The following FHOD3 variants were observed in gnomAD, a reference collection of about 807,000 sequenced individuals.
The protein encoded by FHOD3 is formin homology 2 domain containing 3.
Under a neutral mutation model 173.0 loss-of-function variants are expected in FHOD3, and 90 were observed. The ratio of observed to expected loss-of-function variants is 0.52; its 90% CI spans 0.44 to 0.62. The LOEUF is 0.62. Among genes scored for constraint, FHOD3 ranks in the 20% least tolerant of loss-of-function variants. FHOD3 has a pLI of 0.00. For synonymous variants in FHOD3, 828 were observed against 823.0 expected (o/e 1.01, Z -0.10); for missense variants, 1,945 against 2,034.7 (o/e 0.96, Z 0.85).
At chr18:36,759,032 T>C (rs2042755370) in intron 25 of FHOD3, 86 bp from the exon 26 acceptor site, 3 of 1,404,624 alleles carry the variant, frequency 2.1e-6, no homozygotes, top group Non-Finnish European at 2.9e-6. Context: ...TTATGTGACA[T>C]TGCGATGATC....
At chr18:36,743,145 T>C (rs2041983892) in intron 22 of FHOD3, among the ~76,000 whole-genome samples, 1 of 151,748 alleles carries the variant, frequency 6.6e-6, no homozygotes, top group African/African-American at 2.4e-5. Context: ...CTGTCTCTAC[T>C]AAAAATACAA....
intron 3 of FHOD3, among the ~76,000 whole-genome samples, chr18:36,482,573 G>A (rs576583230): frequency 2.0e-5 from 3 of 152,234 alleles, no homozygotes; most frequent in Admixed American, 6.5e-5. Context: ...GAGGCAAGAA[G>A]GCTGGCGACA....
At chr18:36,549,530 A>ATTTTTT (rs1568413526) in intron 5 of FHOD3, among the ~76,000 whole-genome samples, 4 of 111,846 alleles carry the variant, frequency 3.6e-5, no homozygotes, top group Admixed American at 8.9e-5. Flanking sequence ...GATCTAAGAA[A>ATTTTTT]TCTTTTTTTT....
intron 5 of FHOD3, among the ~76,000 whole-genome samples, chr18:36,532,418 G>T (rs780807867): frequency 2.8e-4 from 42 of 152,214 alleles, no homozygotes; most frequent in Non-Finnish European, 5.1e-4. Flanking sequence ...AGTGGCTTCT[G>T]TGGCACCTGG....
intron 21 of FHOD3, among the ~76,000 whole-genome samples, 156 bp from the exon 22 acceptor site, chr18:36,742,581 G>C (rs2041955577): frequency 6.6e-6 from 1 of 152,142 alleles, no homozygotes; most frequent in Non-Finnish European, 1.5e-5. Context: ...GGCTCTCCCT[G>C]CCACACGTTT....
Position 36,412,279 on chromosome 18 carries a change from A to C in FHOD3, c.337+39535A>C, listed in dbSNP as rs566886788. ...AAGTCCCTTCTGTATATATGTTCAC[A>C]TCTGCACTTGGAGAACAATTTGAGA... On this transcript the variant is annotated intron_variant, in intron 3 of 28. Coordinates refer to ENST00000590592, the MANE Select transcript of FHOD3 (RefSeq NM_001281740.3). Among the ~76,000 whole-genome samples, 12 of 152,348 alleles carry C rather than the reference A, an allele frequency of 7.9e-5. No individual in the cohort carries two copies. In the South Asian group the frequency reaches 2.5e-3, roughly 32 times the overall value.
intron 3 of FHOD3, among the ~76,000 whole-genome samples, chr18:36,428,938 G>A (rs1036759839): frequency 2.0e-5 from 3 of 152,164 alleles, no homozygotes; most frequent in Admixed American, 1.3e-4. Flanking sequence ...GGCTAGGCAC[G>A]CCAAGCTTCT....
intron 1 of FHOD3, among the ~76,000 whole-genome samples, chr18:36,301,100 GTGCAGT>G (rs1454107098): frequency 1.3e-5 from 2 of 152,188 alleles, no homozygotes; most frequent in Non-Finnish European, 2.9e-5. Context: ...GGGTATAAGT[GTGCAGT>G]TGGGTGAATC....
In FHOD3 at chr18:36,372,628, G is replaced by A. The variant is rs1598876892; in HGVS notation, c.273-52G>A. On this transcript the variant is annotated intron_variant, in intron 2 of 28. Coordinates refer to ENST00000590592, the MANE Select transcript of FHOD3 (RefSeq NM_001281740.3). ...CTTCACGTGGATTGACAGCATGTGA[G>A]GTGTCTCTGCTGACTCCTCTGATGC... The A allele has an allele frequency of 3.3e-6, 5 of 1,500,092 alleles. 1 individual carries two copies. Among genetic ancestry groups the A allele is most frequent in the Non-Finnish European group, 4.6e-6 (5 of 1,080,280 alleles). The allele number at this position is 1,500,092 out of a possible 1,614,324, so 92.9% of individuals were successfully genotyped here.
chr18:36,363,845 T>C (rs1213553838), intron 2 of FHOD3, among the ~76,000 whole-genome samples: 1 of 117,594 alleles, frequency 8.5e-6, no homozygotes. Flanking sequence ...TGTAACAGAT[T>C]AACATCTTGC....
Position 36,369,482 on chromosome 18 carries a change from CACACACACACACACACAT to C in FHOD3, c.273-3196_273-3179del, listed in dbSNP as rs1383347227. On this transcript the variant is annotated intron_variant, in intron 2 of 28. Coordinates refer to ENST00000590592, the MANE Select transcript of FHOD3 (RefSeq NM_001281740.3). ...ACACACACACACACACACACACACA[CACACACACACACACACAT>C]ATATATAGAGAGAGAGAGAGAGAGA... 3.8e-4 allele frequency among the ~76,000 whole-genome samples: 48 copies of C among 127,538 alleles called. 1 individual carries two copies. The highest frequency in any genetic ancestry group is 2.9e-3 in the Admixed American group (38 of 13,004). The allele number at this position is 127,538 out of a possible 152,430, so 83.7% of individuals were successfully genotyped here.
At chr18:36,710,363 C>T (rs1229498929) in intron 18 of FHOD3, 1 of 152,182 alleles carries the variant, frequency 6.6e-6, no homozygotes, top group Non-Finnish European at 1.5e-5. Flanking sequence ...GAGTCGATGT[C>T]TTAGGCCCAA....
intron 18 of FHOD3, chr18:36,711,445 C>T (rs762217817): frequency 6.6e-6 from 1 of 152,202 alleles, no homozygotes; most frequent in Non-Finnish European, 1.5e-5. Flanking sequence ...GAAGCTTTAT[C>T]ATAACATACA....
At chr18:36,736,272 G>C (rs541395816) in intron 20 of FHOD3, among the ~76,000 whole-genome samples, 1 of 152,362 alleles carries the variant, frequency 6.6e-6, no homozygotes, top group South Asian at 2.1e-4. Flanking sequence ...AGTGTGCACT[G>C]TTAGCTTTGC....
In FHOD3 at chr18:36,522,012, G is replaced by A. The variant is rs568820992; in HGVS notation, c.511+9469G>A. Among the ~76,000 whole-genome samples, 3 of 152,242 alleles carry A rather than the reference G, an allele frequency of 2.0e-5. No homozygotes were observed. In the East Asian group the frequency reaches 5.8e-4, roughly 29 times the overall value. ...GGAGTTCAGATATTGTAATCTCCAG[G>A]AGATCTTCCCTGGTTCCCGAGTATT... On this transcript the variant is annotated intron_variant, in intron 5 of 28. Coordinates refer to ENST00000590592, the MANE Select transcript of FHOD3 (RefSeq NM_001281740.3).
intron 27 of FHOD3, among the ~76,000 whole-genome samples, chr18:36,766,917 A>G (rs936800428): frequency 1.3e-5 from 2 of 152,232 alleles, no homozygotes; most frequent in African/African-American, 2.4e-5. Flanking sequence ...TTTTAAGATA[A>G]GACAAAATTA....
At chr18:36,702,135 AG>A (rs1389889848) in intron 17 of FHOD3, among the ~76,000 whole-genome samples, 2 of 152,202 alleles carry the variant, frequency 1.3e-5, no homozygotes, top group Admixed American at 6.5e-5. Flanking sequence ...ATTCTCAACC[AG>A]GGGTGAGTTT....
intron 20 of FHOD3, among the ~76,000 whole-genome samples, chr18:36,739,578 G>A (rs1422017608): frequency 6.6e-6 from 1 of 152,164 alleles, no homozygotes; most frequent in Non-Finnish European, 1.5e-5. Context: ...TGTCTGCGTT[G>A]AGTCTTTCAA....
intron 3 of FHOD3, among the ~76,000 whole-genome samples, chr18:36,394,821 C>G (rs2048474346): frequency 6.6e-6 from 1 of 152,150 alleles, no homozygotes; most frequent in Admixed American, 6.5e-5. Context: ...TTCACTGCTA[C>G]TGGATTGTCA....
Sources: allele counts gnomAD v4.1 joint callset (sites outside exome capture counted in the v4.1 genomes callset), GRCh38; gene constraint gnomAD v4.1.1; transcripts MANE v1.5; gene names NCBI Gene and HGNC (gene_info 2026-07-23, HGNC 2026-07-21).